The following ZFYVE9 variants were observed in gnomAD, a reference collection of about 807,000 sequenced individuals.
The protein encoded by ZFYVE9 is zinc finger FYVE domain-containing protein 9.
Under a neutral mutation model 126.7 loss-of-function variants are expected in ZFYVE9, and 43 were observed. The observed-to-expected ratio is 0.34, with a 90% CI of 0.27 to 0.44. The LOEUF (loss-of-function observed/expected upper bound fraction) is 0.44, where lower values mean the gene tolerates loss of function less well. Among genes scored for constraint, ZFYVE9 ranks in the 20% least tolerant of loss-of-function variants. The pLI is 1.00. For missense variants in ZFYVE9, 1,476 were observed against 1,697.0 expected (o/e 0.87, Z 2.29); for synonymous variants, 521 against 597.4 (o/e 0.87, Z 1.87).
intron 2 of ZFYVE9, among the ~76,000 whole-genome samples, chr1:52,228,793 G>A (rs1645192472): frequency 6.6e-6 from 1 of 152,136 alleles, no homozygotes; most frequent in African/African-American, 2.4e-5. Flanking sequence ...TTTATGCTGT[G>A]TGTGTGTATA....
In ZFYVE9 at chr1:52,266,405, T is replaced by TAAAAAAAA. The variant is rs33996604; in HGVS notation, c.2279-228_2279-221dup. Among the ~76,000 whole-genome samples, 391 of 85,626 alleles carry TAAAAAAAA rather than the reference T, an allele frequency of 4.6e-3. 4 individuals are homozygous for TAAAAAAAA. The highest frequency in any genetic ancestry group is 0.024 in the East Asian group (45 of 1,898). 56.2% of individuals were successfully genotyped at this position (85,626 alleles called of 152,430 possible). On this transcript the variant is annotated intron_variant, in intron 5 of 18. Transcript: ENST00000287727. ...AGCCACCACTCCCGGTCTAATTCTT[T>TAAAAAAAA]AAAAAAAAAAAAAAAAAAAAAAAAA...
intron 1 of ZFYVE9, among the ~76,000 whole-genome samples, chr1:52,214,096 T>TG (rs979172491): frequency 7.6e-4 from 116 of 152,238 alleles, no homozygotes; most frequent in African/African-American, 2.6e-3. Context: ...CAGGAGGGGA[T>TG]GAGGTGCAGG....
At chr1:52,163,044 T>G in intron 1 of ZFYVE9, 1 of 216,216 alleles carries the variant, frequency 4.6e-6, no homozygotes. Flanking sequence ...TCACTCTTGC[T>G]TTCTACTTCT....
At chr1:52,330,991 C>T (rs891154553) in intron 13 of ZFYVE9, among the ~76,000 whole-genome samples, 1 of 152,086 alleles carries the variant, frequency 6.6e-6, no homozygotes, top group Non-Finnish European at 1.5e-5. Context: ...CTCAGCCTCC[C>T]AAGTAGCTGG....
chr1:52,328,516 T>C (rs1646312480), intron 13 of ZFYVE9, among the ~76,000 whole-genome samples: 1 of 152,236 alleles, frequency 6.6e-6, no homozygotes, highest in African/African-American at 2.4e-5. Context: ...AATATGAAGT[T>C]TCTTTCATTG....
At chr1:52,232,038 AG>A (rs1438361723) in intron 2 of ZFYVE9, among the ~76,000 whole-genome samples, 8 of 152,332 alleles carry the variant, frequency 5.3e-5, no homozygotes, top group Non-Finnish European at 1.0e-4. Context: ...ACACTACCTT[AG>A]TAAGTCAAAG....
chr1:52,184,696 G>T (rs1406624604), intron 1 of ZFYVE9, among the ~76,000 whole-genome samples: 1 of 152,070 alleles, frequency 6.6e-6, no homozygotes, highest in African/African-American at 2.4e-5. Context: ...TATTCCAGAT[G>T]ACCATCCTTT....
At chr1:52,266,937 C>G (rs1569628490) in intron 6 of ZFYVE9, 106 bp downstream of exon 6, 2 of 1,064,122 alleles carry the variant, frequency 1.9e-6, no homozygotes, top group Non-Finnish European at 2.6e-6. Flanking sequence ...GCAGATAAGT[C>G]TCTTTGGGTG....
intron 11 of ZFYVE9, 75 bp from the exon 12 acceptor site, chr1:52,295,819 TG>T: frequency 8.2e-7 from 1 of 1,220,340 alleles, no homozygotes. Flanking sequence ...TTTTGAAAAT[TG>T]TATTAGTCAT....
chr1:52,278,693 A>C, intron 9 of ZFYVE9, 79 bp downstream of exon 9: 1 of 1,009,374 alleles, frequency 9.9e-7, no homozygotes, highest in Non-Finnish European at 1.4e-6. Context: ...TTTATTACAC[A>C]CAAGTATTTT....
chr1:52,216,248 A>G (rs1315220840), intron 1 of ZFYVE9, 121 bp from the exon 2 acceptor site: 3 of 395,910 alleles, frequency 7.6e-6, no homozygotes, highest in Admixed American at 4.4e-5. Context: ...ATCCAAAGGT[A>G]TAATTTTATC....
chr1:52,286,880 G>A (rs1195618048), intron 10 of ZFYVE9, among the ~76,000 whole-genome samples: 1 of 152,028 alleles, frequency 6.6e-6, no homozygotes, highest in South Asian at 2.1e-4. Context: ...AACATTTATT[G>A]GTTCATTTTG....
chr1:52,273,645 A>C (rs1416015653), intron 7 of ZFYVE9, among the ~76,000 whole-genome samples: 6 of 151,838 alleles, frequency 4.0e-5, no homozygotes, highest in South Asian at 2.1e-4. Context: ...CCTGGCTAAC[A>C]GGTGAAACCC....
At chr1:52,180,647 T>C in intron 1 of ZFYVE9, 2 of 461,622 alleles carry the variant, frequency 4.3e-6, no homozygotes, top group Non-Finnish European at 7.9e-6. Flanking sequence ...TTTAGTTTTG[T>C]ACAAATTATG....
intron 13 of ZFYVE9, among the ~76,000 whole-genome samples, chr1:52,328,657 C>T (rs1278803295): frequency 6.6e-6 from 1 of 152,094 alleles, no homozygotes. Flanking sequence ...CCTAATGATT[C>T]GGAAGAAATG....
intron 1 of ZFYVE9, among the ~76,000 whole-genome samples, chr1:52,184,801 G>T (rs1437953630): frequency 6.6e-6 from 1 of 152,008 alleles, no homozygotes; most frequent in Non-Finnish European, 1.5e-5. Flanking sequence ...GAGGAGGAGG[G>T]ATCACCTGAG....
At chr1:52,289,885 C>T (rs997275405) in intron 10 of ZFYVE9, among the ~76,000 whole-genome samples, 6 of 152,080 alleles carry the variant, frequency 3.9e-5, no homozygotes, top group Admixed American at 1.3e-4. Flanking sequence ...ATGGAAGAGG[C>T]AGAAAGGAAA....
intron 8 of ZFYVE9, among the ~76,000 whole-genome samples, chr1:52,277,133 G>A (rs143909852): frequency 9.6e-4 from 146 of 152,220 alleles, no homozygotes; most frequent in Non-Finnish European, 1.4e-3. Context: ...ATAAATCTTA[G>A]ATTAATAAGG....
At chr1:52,273,213 G>T (rs1645712149) in intron 7 of ZFYVE9, among the ~76,000 whole-genome samples, 1 of 151,642 alleles carries the variant, frequency 6.6e-6, no homozygotes, top group South Asian at 2.1e-4. Context: ...CACCATGTTG[G>T]CCAGGCTGGT....
Sources: gnomAD v4.1 joint callset for allele counts (sites outside exome capture counted in the v4.1 genomes callset) on GRCh38, gnomAD v4.1.1 for gene constraint, MANE v1.5 for transcripts, NCBI Gene and HGNC (gene_info 2026-07-23, HGNC 2026-07-21) for gene names.